The following EMCN variants were observed in gnomAD, a reference collection of about 807,000 sequenced individuals.
EMCN encodes endomucin.
A neutral mutation model predicts 38.4 loss-of-function variants in EMCN; 37 were observed. The observed-to-expected ratio is 0.96, with a 90% CI of 0.74 to 1.27. The LOEUF is 1.27. Ranked by LOEUF, EMCN falls within the 50% of genes most tolerant of loss-of-function variation. EMCN has a pLI of 0.00. For missense variants in EMCN, 318 were observed against 302.8 expected (o/e 1.05, Z -0.37); for synonymous variants, 95 against 100.8 (o/e 0.94, Z 0.35).
intron 2 of EMCN, among the ~76,000 whole-genome samples, chr4:100,476,865 CAG>C (rs1342703194): frequency 6.6e-6 from 1 of 152,108 alleles, no homozygotes; most frequent in Admixed American, 6.5e-5. Flanking sequence ...TCAAATATAA[CAG>C]GGAACAGAAA....
At chr4:100,452,766 G>A (rs952824385) in intron 4 of EMCN, among the ~76,000 whole-genome samples, 2 of 151,958 alleles carry the variant, frequency 1.3e-5, no homozygotes, top group Admixed American at 6.6e-5. Context: ...CACACTACCT[G>A]ACTTCAAACT....
intron 7 of EMCN, among the ~76,000 whole-genome samples, chr4:100,421,782 T>A (rs1480089832): frequency 6.6e-6 from 1 of 152,096 alleles, no homozygotes; most frequent in Non-Finnish European, 1.5e-5. Context: ...GCTTTAGTCC[T>A]AATGCTGGCT....
At chr4:100,496,200 T>C (rs1729201763) in intron 1 of EMCN, among the ~76,000 whole-genome samples, 1 of 152,196 alleles carries the variant, frequency 6.6e-6, no homozygotes, top group Non-Finnish European at 1.5e-5. Context: ...TTCTTATGTC[T>C]AGTGAGACTC....
At chr4:100,462,686 T>A (rs890135807) in intron 4 of EMCN, among the ~76,000 whole-genome samples, 2 of 152,154 alleles carry the variant, frequency 1.3e-5, no homozygotes, top group African/African-American at 4.8e-5. Context: ...AGGTTCTACT[T>A]ATCAGAAACC....
At chr4:100,441,609 G>A (rs553309281) in intron 5 of EMCN, among the ~76,000 whole-genome samples, 2 of 152,040 alleles carry the variant, frequency 1.3e-5, no homozygotes, top group African/African-American at 4.8e-5. Context: ...TTGTAATTTG[G>A]TAATTTTCTG....
chr4:100,404,352 T>G (rs866685108), intron 11 of EMCN, among the ~76,000 whole-genome samples: 2 of 152,192 alleles, frequency 1.3e-5, no homozygotes, highest in South Asian at 2.1e-4. Flanking sequence ...TTGTTAAAGA[T>G]GAGATGGTTA....
At chr4:100,499,341 A>G (rs957670777) in intron 1 of EMCN, among the ~76,000 whole-genome samples, 2 of 152,266 alleles carry the variant, frequency 1.3e-5, no homozygotes, top group Non-Finnish European at 2.9e-5. Flanking sequence ...TCAATTAAAT[A>G]CACAAATATG....
chr4:100,418,979 A>G (rs562448055), intron 8 of EMCN, among the ~76,000 whole-genome samples: 1 of 152,210 alleles, frequency 6.6e-6, no homozygotes, highest in South Asian at 2.1e-4. Flanking sequence ...TGTTCTCCAT[A>G]GTGGTTGTAC....
chr4:100,459,434 T>C (rs1410059638), intron 4 of EMCN, among the ~76,000 whole-genome samples: 1 of 152,096 alleles, frequency 6.6e-6, no homozygotes, highest in Non-Finnish European at 1.5e-5. Flanking sequence ...ACATTTAAAA[T>C]CTACTCTCTT....
At chr4:100,453,630 T>C (rs1016712678) in intron 4 of EMCN, among the ~76,000 whole-genome samples, 14 of 152,112 alleles carry the variant, frequency 9.2e-5, no homozygotes, top group Non-Finnish European at 2.1e-4. Context: ...CTCAGGGATC[T>C]AGAACTAGAA....
At chr4:100,447,665 A>T (rs1727716033) in intron 4 of EMCN, 94 bp from the exon 5 acceptor site, 2 of 690,748 alleles carry the variant, frequency 2.9e-6, no homozygotes, top group Non-Finnish European at 4.9e-6. Context: ...ATGAGTATGA[A>T]TTTTAGCTCA....
At chr4:100,416,922 T>A (rs567425486) in intron 9 of EMCN, among the ~76,000 whole-genome samples, 195 bp downstream of exon 9, 3 of 152,332 alleles carry the variant, frequency 2.0e-5, no homozygotes, top group Non-Finnish European at 4.4e-5. Flanking sequence ...TTTCCCATTT[T>A]ACCATTCTAA....
intron 1 of EMCN, chr4:100,483,254 T>C (rs1728858831): frequency 6.6e-6 from 1 of 152,040 alleles, no homozygotes; most frequent in Non-Finnish European, 1.5e-5. Context: ...GGGTAAACAG[T>C]TTGCCAACAC....
At chr4:100,514,130 A>C (rs1288714789) in intron 1 of EMCN, among the ~76,000 whole-genome samples, 1 of 152,132 alleles carries the variant, frequency 6.6e-6, no homozygotes, top group Non-Finnish European at 1.5e-5. Context: ...CTCCAGGGGC[A>C]TACCGACTAC....
At chr4:100,476,435 C>T (rs963118301) in intron 2 of EMCN, among the ~76,000 whole-genome samples, 6 of 152,014 alleles carry the variant, frequency 3.9e-5, no homozygotes, top group African/African-American at 7.2e-5. Flanking sequence ...AGGTGTGAGC[C>T]GCAGCACCCG....
intron 8 of EMCN, among the ~76,000 whole-genome samples, chr4:100,418,470 G>A (rs747873356): frequency 6.6e-6 from 1 of 151,978 alleles, no homozygotes; most frequent in Non-Finnish European, 1.5e-5. Context: ...TCGCCCTGTT[G>A]TGCTGTCAAA....
rs562192831 is a variant in EMCN, at chr4:100,435,463, T to C, written c.416-12059A>G. On this transcript the variant is annotated intron_variant, in intron 5 of 11. Coordinates refer to ENST00000296420, the MANE Select transcript of EMCN (RefSeq NM_016242.4). ...TGGCCATACTGCCCAAAGTAATTTA[T>C]AGATTCAGTGCTATTCCCATTAAAC... Among the ~76,000 whole-genome samples, 13 of 152,290 alleles carry C rather than the reference T, an allele frequency of 8.5e-5. No individual in the cohort carries two copies. In the East Asian group the frequency reaches 2.3e-3, roughly 27 times the overall value.
In EMCN at chr4:100,489,166, G is replaced by A. The variant is rs572062789; in HGVS notation, c.65-9127C>T. 3.3e-5 allele frequency among the ~76,000 whole-genome samples: 5 copies of A among 151,478 alleles called. No individual in the cohort carries two copies. The South Asian group carries it at 8.3e-4, about 25-fold the overall frequency. On this transcript the variant is annotated intron_variant, in intron 1 of 11. Coordinates refer to ENST00000296420, the MANE Select transcript of EMCN (RefSeq NM_016242.4). The stretch of plus-strand genomic sequence containing the variant: ...CAGGTGATCTAGTCTCAGCTTCCAT[G>A]TTCTCTTTCTCTACATTGGCTATAG...
intron 1 of EMCN, among the ~76,000 whole-genome samples, chr4:100,480,732 C>T (rs1174006296): frequency 2.0e-5 from 3 of 151,716 alleles, no homozygotes. Context: ...ATTAATTGGG[C>T]AGGCAAAGGC....
Sources: gnomAD v4.1 joint callset for allele counts (sites outside exome capture counted in the v4.1 genomes callset) on GRCh38, gnomAD v4.1.1 for gene constraint, MANE v1.5 for transcripts, NCBI Gene and HGNC (gene_info 2026-07-23, HGNC 2026-07-21) for gene names.